Variants in SLC7A14 observed in about 807,000 individuals in gnomAD.
SLC7A14 encodes the protein gamma-aminobutyric acid transporter SLC7A14.
SLC7A14 carries 37 observed loss-of-function variants against 60.2 expected under a neutral mutation model. That is an observed-to-expected ratio of 0.61 (90% CI 0.47 to 0.81). The LOEUF (loss-of-function observed/expected upper bound fraction) is 0.81, where lower values mean the gene tolerates loss of function less well. Ranked by LOEUF, SLC7A14 falls within the 30% of genes least tolerant of loss-of-function variation. SLC7A14 has a pLI of 0.00. For missense variants in SLC7A14, 886 were observed against 982.7 expected (o/e 0.90, Z 1.32); for synonymous variants, 399 against 395.8 (o/e 1.01, Z -0.10).
Position 170,482,608 on chromosome 3 carries a change from C to T in SLC7A14, c.1115+706G>A, listed in dbSNP as rs77941764. ...CATGGGCAGATGGGCCACTTCATGGCCAATGTAGGGGGCAAGAACTGCCAA... is the reference window on the plus strand; with the variant it reads ...CATGGGCAGATGGGCCACTTCATGGTCAATGTAGGGGGCAAGAACTGCCAA... On this transcript the variant is annotated intron_variant, in intron 6 of 7. Transcript: ENST00000231706. Among the ~76,000 whole-genome samples the T allele has an allele frequency of 8.8e-3, 1,345 of 152,316 alleles. 21 individuals carry two copies. Among genetic ancestry groups the T allele is most frequent in the Non-Finnish European group, 8.0e-3 (541 of 68,034 alleles).
intron 4 of SLC7A14, among the ~76,000 whole-genome samples, chr3:170,497,127 A>G (rs1467512083): frequency 6.6e-6 from 1 of 151,504 alleles, no homozygotes; most frequent in East Asian, 1.9e-4. Flanking sequence ...AAGAAAGAAA[A>G]AAGAAAATGC....
chr3:170,511,417 G>C (rs1196376447), intron 2 of SLC7A14, among the ~76,000 whole-genome samples: 1 of 151,954 alleles, frequency 6.6e-6, no homozygotes, highest in Non-Finnish European at 1.5e-5. Flanking sequence ...AGAAAAAAAA[G>C]GACAAATAAA....
chr3:170,495,872 T>C (rs1487463178), intron 4 of SLC7A14: 5 of 1,295,040 alleles, frequency 3.9e-6, no homozygotes, highest in Non-Finnish European at 4.5e-6. Flanking sequence ...TGAACAACCT[T>C]AGGCGGCAGC....
intron 2 of SLC7A14, among the ~76,000 whole-genome samples, chr3:170,508,658 T>C (rs746664487): frequency 6.6e-6 from 1 of 152,214 alleles, no homozygotes; most frequent in Non-Finnish European, 1.5e-5. Flanking sequence ...CCTCACCAAA[T>C]ACAGCATTTT....
intron 1 of SLC7A14, among the ~76,000 whole-genome samples, chr3:170,527,502 C>T (rs1713549402): frequency 6.6e-6 from 1 of 152,202 alleles, no homozygotes; most frequent in Non-Finnish European, 1.5e-5. Context: ...TCAACTCTAA[C>T]TACCTCTTAC....
At chr3:170,577,624 CAAA>C (rs56357954) in intron 1 of SLC7A14, among the ~76,000 whole-genome samples, 2,641 of 51,702 alleles carry the variant, frequency 0.051, 44 homozygotes, top group African/African-American at 0.15. Flanking sequence ...GACTCCGTCT[CAAA>C]AAAAAAAAAA....
intron 2 of SLC7A14, among the ~76,000 whole-genome samples, chr3:170,518,564 A>T (rs915214299): frequency 1.3e-5 from 2 of 152,312 alleles, no homozygotes; most frequent in South Asian, 4.1e-4. Context: ...ACTAAAGTAC[A>T]TATCTGGTCA....
At chr3:170,550,048 C>T (rs980867311) in intron 1 of SLC7A14, among the ~76,000 whole-genome samples, 9 of 152,222 alleles carry the variant, frequency 5.9e-5, no homozygotes, top group Admixed American at 5.2e-4. Context: ...TGTGATTGGA[C>T]ATGTGTGTGT....
rs373676293 is a variant in SLC7A14, at chr3:170,459,745, G to A, written c.*7310C>T. The A allele has an allele frequency of 4.6e-5, 7 of 152,232 alleles. No individual in the cohort carries two copies. The East Asian group carries it at 1.4e-3, about 29-fold the overall frequency. The allele number at this position is 152,232 out of a possible 1,614,324, so 9.4% of individuals were successfully genotyped here. A position where few individuals can be genotyped will look rare whatever the true frequency, so the allele number is the denominator to read the frequency against. On this transcript the variant is annotated 3_prime_UTR_variant, in exon 8 of 8. Transcript: ENST00000231706. ...AATGGAAAAAAAGTAACAGACTTCA[G>A]ATACTGGTTAAGGTTAACAAAATAT...
intron 2 of SLC7A14, 59 bp downstream of exon 2, chr3:170,526,574 A>C (rs774209638): frequency 2.6e-5 from 41 of 1,570,392 alleles, no homozygotes; most frequent in African/African-American, 5.4e-5. Flanking sequence ...AAGGGGATGA[A>C]CAGTGACCAG....
chr3:170,501,325 C>G lies in SLC7A14; in HGVS notation c.325G>C (p.Gly109Arg), dbSNP rs754524760. 3 of 1,614,188 alleles carry G rather than the reference C, an allele frequency of 1.9e-6. No homozygotes were observed. The highest frequency in any genetic ancestry group is 1.6e-4 in the Middle Eastern group (1 of 6,062). The change falls in exon 3 of 8, where the codon GGA (glycine) becomes CGA (arginine). Residue 109 changes from glycine to arginine, a missense_variant. Transcript: ENST00000231706. ...CCTGTGGTCTTGGGGACTCGAACTC[C>G]AAACTCTGCATAGCAGACGCCTGCA... The part of the protein sequence containing the change: ...ILSGVCYAEF[G>R]VRVPKTTGSA...
rs754183318 is a variant in SLC7A14, at chr3:170,498,782, T to C, written c.644A>G (p.Asn215Ser). The change falls in exon 4 of 8, where the codon AAT (asparagine) becomes AGT (serine). Residue 215 changes from asparagine (N) to serine (S), a missense_variant. Asn to Ser is a conservative substitution (Grantham distance 46). Transcript: ENST00000231706. ...TGCCAGGTTCAGCACATTGAGAACA[T>C]TGTTGAAGCCTATGGAATTCTTCAC... The part of the protein sequence containing the change: ...LGVKNSIGFN[N>S]VLNVLNLAVW... 6.2e-7 allele frequency: 1 copy of C among 1,614,172 alleles called. No homozygotes were observed. The highest frequency in any genetic ancestry group is 8.5e-7 in the Non-Finnish European group (1 of 1,180,034).
chr3:170,556,592 T>G (rs1430918937), intron 1 of SLC7A14, among the ~76,000 whole-genome samples: 1 of 152,224 alleles, frequency 6.6e-6, no homozygotes, highest in Non-Finnish European at 1.5e-5. Context: ...AGGCCTCATG[T>G]GGCCTGGATG....
In SLC7A14 at chr3:170,515,411, C is replaced by T. The variant is rs575612504; in HGVS notation, c.304+11222G>A. 1.8e-4 allele frequency among the ~76,000 whole-genome samples: 28 copies of T among 151,982 alleles called. No homozygotes were observed. The South Asian group carries it at 5.8e-3, about 32-fold the overall frequency. ...GGCGAGGCTGCTCACTAGCCTGGGG[C>T]CTATATCACTTTCCAGGTGTCCTAA... On this transcript the variant is annotated intron_variant, in intron 2 of 7. Coordinates refer to ENST00000231706, the MANE Select transcript of SLC7A14 (RefSeq NM_020949.3).
chr3:170,473,236 A>G (rs1488288388), intron 7 of SLC7A14, among the ~76,000 whole-genome samples: 1 of 152,234 alleles, frequency 6.6e-6, no homozygotes, highest in East Asian at 1.9e-4. Context: ...CCCCAAACCT[A>G]CAAGAAAGAG....
intron 1 of SLC7A14, among the ~76,000 whole-genome samples, chr3:170,536,161 A>G (rs1393594792): frequency 6.6e-6 from 1 of 152,198 alleles, no homozygotes; most frequent in Non-Finnish European, 1.5e-5. Context: ...TTACCTTGTA[A>G]ACCTGTCATG....
rs1456950326 is a variant in SLC7A14, at chr3:170,461,112, C to G, written c.*5943G>C. 2 of 152,128 alleles carry G rather than the reference C, an allele frequency of 1.3e-5. No individual in the cohort carries two copies. The highest frequency in any genetic ancestry group is 2.4e-5 in the African/African-American group (1 of 41,394). The allele number at this position is 152,128 out of a possible 1,614,324, so 9.4% of individuals were successfully genotyped here. A position where few individuals can be genotyped will look rare whatever the true frequency, so the allele number is the denominator to read the frequency against. On this transcript the variant is annotated 3_prime_UTR_variant, in exon 8 of 8. Transcript: ENST00000231706. ...TATTTTTAGTAGAGATGGGGTTTCT[C>G]CATGTTGGTCAGGCTGGTCTTGAAC...
chr3:170,511,086 G>C (rs928409155), intron 2 of SLC7A14, among the ~76,000 whole-genome samples: 4 of 152,168 alleles, frequency 2.6e-5, no homozygotes, highest in Non-Finnish European at 2.9e-5. Context: ...CTCAGTGCCT[G>C]GGCATACTAA....
chr3:170,558,086 G>C (rs1223096823), intron 1 of SLC7A14, among the ~76,000 whole-genome samples: 3 of 152,176 alleles, frequency 2.0e-5, no homozygotes, highest in Non-Finnish European at 2.9e-5. Flanking sequence ...AGTCAATGGA[G>C]GCTGGGCGTG....
Sources: allele counts gnomAD v4.1 joint callset (sites outside exome capture counted in the v4.1 genomes callset), GRCh38; gene constraint gnomAD v4.1.1; transcripts MANE v1.5; gene names NCBI Gene and HGNC (gene_info 2026-07-23, HGNC 2026-07-21).